GBE1: variants seen among roughly 807,000 people sequenced by gnomAD.
GBE1 encodes 1,4-alpha-glucan-branching enzyme.
In GBE1, 70 loss-of-function variants were observed where a neutral mutation model predicts 88.8. The observed-to-expected ratio is 0.79, with a 90% CI of 0.65 to 0.96. GBE1 has a LOEUF of 0.96. Among genes scored for constraint, GBE1 ranks in the 40% least tolerant of loss-of-function variants. The pLI is 0.00. For synonymous variants in GBE1, 284 were observed against 300.1 expected (o/e 0.95, Z 0.56); for missense variants, 872 against 871.0 (o/e 1.00, Z -0.01).
At chr3:81,496,927 C>G (rs2106806464) in intron 15 of GBE1, among the ~76,000 whole-genome samples, 1 of 152,268 alleles carries the variant, frequency 6.6e-6, no homozygotes, top group South Asian at 2.1e-4. Context: ...GAAGAGAGAG[C>G]TAGCCCTTAT....
At chr3:81,630,005 T>C (rs1157911058) in intron 7 of GBE1, among the ~76,000 whole-genome samples, 1 of 152,080 alleles carries the variant, frequency 6.6e-6, no homozygotes, top group Non-Finnish European at 1.5e-5. Flanking sequence ...CTGAGAATGA[T>C]GGTTTCCAGC....
At chr3:81,501,422 G>A (rs1169528436) in intron 14 of GBE1, among the ~76,000 whole-genome samples, 1 of 152,054 alleles carries the variant, frequency 6.6e-6, no homozygotes, top group Non-Finnish European at 1.5e-5. Flanking sequence ...GAAAGGAGGG[G>A]ATCAAAGAGC....
At chr3:81,595,316 T>C (rs1321617178) in intron 7 of GBE1, among the ~76,000 whole-genome samples, 1 of 151,804 alleles carries the variant, frequency 6.6e-6, no homozygotes, top group Non-Finnish European at 1.5e-5. Flanking sequence ...GGAGATATAA[T>C]AGAACTGTAT....
At chr3:81,658,344 A>G (rs1704972216) in intron 3 of GBE1, among the ~76,000 whole-genome samples, 1 of 152,180 alleles carries the variant, frequency 6.6e-6, no homozygotes, top group Non-Finnish European at 1.5e-5. Context: ...ACCAATGTAT[A>G]GAACAAAAAA....
At position 81,720,362 on chromosome 3, in the gene GBE1, G is replaced by GTATA. The variant is rs568157813; in HGVS notation, c.144-14753_144-14750dup. On this transcript the variant is annotated intron_variant, in intron 1 of 15. Coordinates refer to ENST00000429644, the MANE Select transcript of GBE1 (RefSeq NM_000158.4). The stretch of plus-strand genomic sequence containing the variant: ...TGTGTATGTGTATGTGTGTGTGTGT[G>GTATA]TATATATATATATATATATCTTATA... 8.0e-3 allele frequency among the ~76,000 whole-genome samples: 1,145 copies of GTATA among 143,342 alleles called. 19 individuals carry two copies. Among genetic ancestry groups the GTATA allele is most frequent in the African/African-American group, 0.027 (1,052 of 38,856 alleles). 94.0% of individuals were successfully genotyped at this position (143,342 alleles called of 152,430 possible). A position where few individuals can be genotyped will look rare whatever the true frequency, so the allele number is the denominator to read the frequency against.
chr3:81,575,517 C>T (rs898099170), intron 12 of GBE1, among the ~76,000 whole-genome samples: 3 of 151,984 alleles, frequency 2.0e-5, no homozygotes, highest in South Asian at 2.1e-4. Flanking sequence ...AATAAATTTA[C>T]GTAAACATGT....
At chr3:81,680,284 G>T (rs907881184) in intron 2 of GBE1, among the ~76,000 whole-genome samples, 1 of 152,102 alleles carries the variant, frequency 6.6e-6, no homozygotes, top group Non-Finnish European at 1.5e-5. Flanking sequence ...ATGAGATGAG[G>T]AGATCGAGAC....
intron 1 of GBE1, among the ~76,000 whole-genome samples, chr3:81,706,163 G>A (rs1705773273): frequency 6.6e-6 from 1 of 152,154 alleles, no homozygotes; most frequent in African/African-American, 2.4e-5. Flanking sequence ...TTAATGAGTG[G>A]GTGTGGCTGT....
chr3:81,669,836 TATA>T (rs1344659875), intron 3 of GBE1, among the ~76,000 whole-genome samples: 10 of 152,184 alleles, frequency 6.6e-5, no homozygotes, highest in African/African-American at 2.4e-4. Context: ...TGCTTACTAT[TATA>T]ATGTGTGGCA....
chr3:81,706,895 AT>A (rs1288356572), intron 1 of GBE1, among the ~76,000 whole-genome samples: 3 of 152,098 alleles, frequency 2.0e-5, no homozygotes, highest in African/African-American at 7.2e-5. Context: ...TATAGCAAAA[AT>A]AGCAAATTAT....
chr3:81,754,423 C>T (rs143935952), intron 1 of GBE1, among the ~76,000 whole-genome samples: 147 of 150,832 alleles, frequency 9.7e-4, no homozygotes, highest in African/African-American at 3.2e-3. Context: ...TATCAAAACG[C>T]TGATTATCAT....
chr3:81,567,997 T>C (rs932649767), intron 12 of GBE1, among the ~76,000 whole-genome samples: 1 of 152,222 alleles, frequency 6.6e-6, no homozygotes, highest in Non-Finnish European at 1.5e-5. Context: ...ACAGTGACAC[T>C]AGTCTCCTTT....
At chr3:81,752,844 T>A (rs909108050) in intron 1 of GBE1, among the ~76,000 whole-genome samples, 6 of 152,198 alleles carry the variant, frequency 3.9e-5, no homozygotes, top group Admixed American at 6.5e-5. Flanking sequence ...ATCTGATGAT[T>A]GATTTCAGAA....
chr3:81,627,843 G>A (rs531383142), intron 7 of GBE1, among the ~76,000 whole-genome samples: 40 of 151,680 alleles, frequency 2.6e-4, no homozygotes, highest in Non-Finnish European at 2.2e-4. Context: ...GCAGTGGGCA[G>A]TGGTGCAATC....
chr3:81,700,820 T>C (rs1705676782), intron 2 of GBE1, among the ~76,000 whole-genome samples: 1 of 152,198 alleles, frequency 6.6e-6, no homozygotes, highest in Admixed American at 6.5e-5. Flanking sequence ...TTGTTTCTTT[T>C]TTCCTTTCTT....
chr3:81,585,958 C>A, intron 10 of GBE1, 134 bp downstream of exon 10: 1 of 538,216 alleles, frequency 1.9e-6, no homozygotes, highest in Admixed American at 4.0e-5. Context: ...GCATAAGAAT[C>A]GACAGACTAA....
At chr3:81,513,635 T>C (rs1702755117) in intron 14 of GBE1, among the ~76,000 whole-genome samples, 1 of 151,684 alleles carries the variant, frequency 6.6e-6, no homozygotes, top group Admixed American at 6.6e-5. Context: ...TAGTACCTAT[T>C]TGTCTTTCTT....
chr3:81,735,955 C>G (rs1295145149), intron 1 of GBE1, among the ~76,000 whole-genome samples: 3 of 152,114 alleles, frequency 2.0e-5, no homozygotes, highest in African/African-American at 7.2e-5. Context: ...GGCTGCATTT[C>G]AAAACACTGA....
intron 7 of GBE1, among the ~76,000 whole-genome samples, chr3:81,617,701 G>T (rs1266487975): frequency 6.6e-6 from 1 of 151,602 alleles, no homozygotes; most frequent in Non-Finnish European, 1.5e-5. Flanking sequence ...TCTTTATCTG[G>T]TTCTAATATT....
Sources: allele counts gnomAD v4.1 joint callset (sites outside exome capture counted in the v4.1 genomes callset), GRCh38; gene constraint gnomAD v4.1.1; transcripts MANE v1.5; gene names NCBI Gene and HGNC (gene_info 2026-07-23, HGNC 2026-07-21).